PRH1: variants seen among roughly 807,000 people sequenced by gnomAD.
PRH1 encodes proline rich protein HaeIII subfamily 1.
In PRH1, 7 loss-of-function variants were observed where a neutral mutation model predicts 7.9. The observed-to-expected ratio is 0.89, with a 90% confidence interval of 0.50 to 1.67. The LOEUF is 1.67. PRH1 is among the 40% of genes most tolerant of loss of function. The pLI, the probability that PRH1 is intolerant of heterozygous loss-of-function variation, is 0.00. For missense variants in PRH1, 109 were observed against 223.6 expected (o/e 0.49, Z 3.27); for synonymous variants, 45 against 80.8 (o/e 0.56, Z 2.38).
chr12:10,929,459 T>G, intron 2 of PRH1: 1 of 1,235,930 alleles, frequency 8.1e-7, no homozygotes, highest in East Asian at 2.4e-5. Context: ...AGAGTTCTCA[T>G]GCCAAGGATC....
intron 2 of PRH1, among the ~76,000 whole-genome samples, chr12:10,968,466 C>T (rs572147494): frequency 4.7e-4 from 71 of 152,318 alleles, no homozygotes; most frequent in African/African-American, 1.7e-3. Flanking sequence ...AGGTAGACTG[C>T]TAGCTAATAA....
At chr12:11,089,909 C>A (rs1197483909) in intron 1 of PRH1, among the ~76,000 whole-genome samples, 1 of 98,932 alleles carries the variant, frequency 1.0e-5, no homozygotes, top group East Asian at 2.5e-4. Flanking sequence ...GTGGAATAGC[C>A]AAACTTTTCC....
chr12:11,160,275 A>G (rs776657034), intron 1 of PRH1, among the ~76,000 whole-genome samples: 4 of 152,220 alleles, frequency 2.6e-5, no homozygotes, highest in Non-Finnish European at 5.9e-5. Context: ...AAAATTATTC[A>G]TAATTCAAGA....
intron 2 of PRH1, among the ~76,000 whole-genome samples, chr12:10,961,157 G>A (rs1938217752): frequency 6.6e-6 from 1 of 152,194 alleles, no homozygotes; most frequent in Non-Finnish European, 1.5e-5. Context: ...CTCTGTCCAA[G>A]TCTCTGACAA....
At position 11,100,964 on chromosome 12, in the gene PRH1, T is replaced by C. The variant is rs543026830; in HGVS notation, n.124-53776A>G. Among the ~76,000 whole-genome samples, 11 of 152,324 alleles carry C rather than the reference T, an allele frequency of 7.2e-5. No homozygotes were observed. In the South Asian group the frequency reaches 2.3e-3, roughly 32 times the overall value. The stretch of plus-strand genomic sequence containing the variant: ...TATAAATATTTCATTTAGAGACACA[T>C]TTTTAATACATTTAATTTAATATAT... On this transcript the variant is annotated intron_variant and non_coding_transcript_variant, in intron 1 of 4. Coordinates refer to the PRH1 transcript ENST00000541977.
chr12:11,110,638 G>C (rs1945562905), intron 1 of PRH1, among the ~76,000 whole-genome samples: 1 of 152,142 alleles, frequency 6.6e-6, no homozygotes, highest in Admixed American at 6.5e-5. Context: ...TGCCTCACAA[G>C]AGCTTCTGAA....
intron 1 of PRH1, among the ~76,000 whole-genome samples, chr12:11,130,533 G>C (rs1946307607): frequency 6.6e-6 from 1 of 152,188 alleles, no homozygotes; most frequent in Non-Finnish European, 1.5e-5. Flanking sequence ...GAACTAAAGA[G>C]GGCTCTACAG....
chr12:11,008,711 A>C (rs1940939745), intron 1 of PRH1, among the ~76,000 whole-genome samples: 1 of 151,968 alleles, frequency 6.6e-6, no homozygotes, highest in African/African-American at 2.4e-5. Context: ...CATGTGATTT[A>C]TTTCTTTTCA....
intron 1 of PRH1, among the ~76,000 whole-genome samples, chr12:11,065,352 A>G (rs1281887751): frequency 6.6e-6 from 1 of 152,100 alleles, no homozygotes; most frequent in Non-Finnish European, 1.5e-5. Flanking sequence ...ATGAACTGAT[A>G]CACTTTACCA....
At chr12:10,999,613 G>T (rs1940484028) in intron 1 of PRH1, among the ~76,000 whole-genome samples, 1 of 152,122 alleles carries the variant, frequency 6.6e-6, no homozygotes, top group East Asian at 1.9e-4. Flanking sequence ...TGCAGGATAA[G>T]ACATGGAACA....
At chr12:11,080,884 GT>G (rs1208055060) in intron 1 of PRH1, among the ~76,000 whole-genome samples, 1 of 117,628 alleles carries the variant, frequency 8.5e-6, no homozygotes, top group African/African-American at 2.8e-5. Context: ...AAATCAGGTT[GT>G]ATTCAGAATG....
At chr12:11,053,049 A>G (rs1943218394) in intron 1 of PRH1, among the ~76,000 whole-genome samples, 1 of 152,300 alleles carries the variant, frequency 6.6e-6, no homozygotes, top group Non-Finnish European at 1.5e-5. Context: ...TTTGAAAGAA[A>G]CTGGAAATTA....
At chr12:11,032,458 T>C (rs1218343294) in intron 1 of PRH1, among the ~76,000 whole-genome samples, 2 of 152,184 alleles carry the variant, frequency 1.3e-5, no homozygotes, top group South Asian at 2.1e-4. Flanking sequence ...GCTAACACTT[T>C]CGTATAACTT....
At chr12:11,086,074 T>C (rs1944676395) in intron 1 of PRH1, among the ~76,000 whole-genome samples, 1 of 134,014 alleles carries the variant, frequency 7.5e-6, no homozygotes, top group Non-Finnish European at 1.7e-5. Flanking sequence ...GTATAACTTA[T>C]TGTTAACAAG....
intron 1 of PRH1, among the ~76,000 whole-genome samples, chr12:11,101,413 C>G (rs1945244121): frequency 6.6e-6 from 1 of 152,180 alleles, no homozygotes; most frequent in Admixed American, 6.5e-5. Flanking sequence ...TCACTTGAGC[C>G]AAGGTGACAG....
chr12:11,155,731 AT>A (rs1440643428), intron 1 of PRH1, among the ~76,000 whole-genome samples: 1 of 152,106 alleles, frequency 6.6e-6, no homozygotes, highest in African/African-American at 2.4e-5. Flanking sequence ...TGAATTTGCT[AT>A]AATTATTAAT....
At position 11,074,652 on chromosome 12, in the gene PRH1, T is replaced by TA. The variant is rs539895663; in HGVS notation, n.124-27465dup. ...GGGGCGAGGAAAAGAGACAAAAAAT[T>TA]AAAAAAAAAACAAAACAAGTATCTC... On this transcript the variant is annotated intron_variant and non_coding_transcript_variant, in intron 1 of 4. Transcript: ENST00000541977. 7.8e-3 allele frequency among the ~76,000 whole-genome samples: 735 copies of TA among 93,666 alleles called. 203 individuals are homozygous for TA. The highest frequency in any genetic ancestry group is 0.024 in the South Asian group (77 of 3,258). The allele number at this position is 93,666 out of a possible 152,430, so 61.4% of individuals were successfully genotyped here. A position where few individuals can be genotyped will look rare whatever the true frequency, so the allele number is the denominator to read the frequency against.
At chr12:10,893,372 C>T (rs905089888) in intron 2 of PRH1, among the ~76,000 whole-genome samples, 4 of 152,198 alleles carry the variant, frequency 2.6e-5, no homozygotes, top group Non-Finnish European at 4.4e-5. Context: ...ACAAGTAATA[C>T]TTATTTATAA....
chr12:11,044,828 G>GA (rs1942847441), intron 1 of PRH1, among the ~76,000 whole-genome samples: 1 of 152,160 alleles, frequency 6.6e-6, no homozygotes, highest in African/African-American at 2.4e-5. Context: ...AAGATGTGGA[G>GA]AAACGGGAAC....
Sources: gnomAD v4.1 joint callset for allele counts (sites outside exome capture counted in the v4.1 genomes callset) on GRCh38, gnomAD v4.1.1 for gene constraint, MANE v1.5 for transcripts, NCBI Gene and HGNC (gene_info 2026-07-23, HGNC 2026-07-21) for gene names.